The following GALE variants were observed in gnomAD, a reference collection of about 807,000 sequenced individuals.
The protein encoded by GALE is UDP-galactose-4-epimerase.
Under a neutral mutation model 44.1 loss-of-function variants are expected in GALE, and 32 were observed. That is an observed-to-expected ratio of 0.73 (90% CI 0.55 to 0.97). The LOEUF is 0.97. Ranked by LOEUF, GALE falls within the 50% of genes least tolerant of loss-of-function variation. The pLI is 0.00. For missense variants in GALE, 423 were observed against 455.6 expected, an observed-to-expected ratio of 0.93 and a Z score of 0.65; for synonymous variants, 182 against 183.5, an observed-to-expected ratio of 0.99 and a Z score of 0.06.
Position 23,796,063 on chromosome 1 carries a change from C to A in GALE, c.989-56G>T, listed in dbSNP as rs186060785. 2.1e-3 allele frequency: 3,394 copies of A among 1,607,074 alleles called. 7 individuals carry two copies. Among genetic ancestry groups the A allele is most frequent in the Non-Finnish European group, 2.6e-3 (3,025 of 1,174,460 alleles). ...CCACGGTGGAATGCAGAGCCTCCCCCACCCCACAGCCCGCCCTGGGTGGGC... is the reference window on the plus strand; with the variant it reads ...CCACGGTGGAATGCAGAGCCTCCCCAACCCCACAGCCCGCCCTGGGTGGGC... On this transcript the variant is annotated intron_variant, in intron 11 of 11. Coordinates refer to ENST00000617979, the MANE Select transcript of GALE (RefSeq NM_001008216.2). This position sits in a 1 kb window ranked among gnomAD's most constrained non-coding sequence, Gnocchi z 5.2.
intron 6 of GALE, 89 bp downstream of exon 6, chr1:23,797,606 G>T: frequency 7.9e-7 from 1 of 1,258,534 alleles, no homozygotes; most frequent in Non-Finnish European, 1.2e-6. Context: ...CCTTAGTGGG[G>T]GTGTTCGGAA....
rs755617298 is a variant in GALE, at chr1:23,798,610, C to T, written c.237+5G>A. 2.5e-6 allele frequency: 4 copies of T among 1,605,646 alleles called. No homozygotes were observed. The highest frequency in any genetic ancestry group is 3.4e-6 in the Non-Finnish European group (4 of 1,172,502). On this transcript the variant is annotated splice_donor_5th_base_variant and intron_variant, in intron 4 of 11. Coordinates refer to ENST00000617979, the MANE Select transcript of GALE (RefSeq NM_001008216.2). This position sits in a 1 kb window ranked among gnomAD's most constrained non-coding sequence, Gnocchi z 4.5. The stretch of plus-strand genomic sequence containing the variant: ...CGTGAGCCACCGTGCCCAGCCTGCA[C>T]CCACCTTTTTGAAGAGACGCTGTAG...
chr1:23,798,429 C>G lies in GALE; in HGVS notation c.237+186G>C. 1 of 695,912 alleles carries G rather than the reference C, an allele frequency of 1.4e-6. No homozygotes were observed. 43.1% of individuals were successfully genotyped at this position (695,912 alleles called of 1,614,324 possible). On this transcript the variant is annotated intron_variant, in intron 4 of 11. Coordinates refer to ENST00000617979, the MANE Select transcript of GALE (RefSeq NM_001008216.2). This position sits in a 1 kb window ranked among gnomAD's most constrained non-coding sequence, Gnocchi z 4.5. ...AAGCCATCCTCCCATGCCAGCCTCC[C>G]GAGTAGCTGGGACCACAGGTATGGG... is the stretch of plus-strand genomic sequence containing the variant.
Position 23,798,751 on chromosome 1 carries a change from C to T in GALE, c.122-21G>A, listed in dbSNP as rs768154253. The stretch of plus-strand genomic sequence containing the variant: ...CCCTCCTGGTAGGGTACATGTAGGC[C>T]ACATCATCACGACATGGGGTGCTGT... On this transcript the variant is annotated intron_variant, in intron 3 of 11. Coordinates refer to ENST00000617979, the MANE Select transcript of GALE (RefSeq NM_001008216.2). This position sits in a 1 kb window ranked among gnomAD's most constrained non-coding sequence, Gnocchi z 4.5. The T allele has an allele frequency of 3.1e-6, 5 of 1,610,104 alleles. No homozygotes were observed. The highest frequency in any genetic ancestry group is 4.3e-6 in the Non-Finnish European group (5 of 1,176,240).
chr1:23,798,279 G>T lies in GALE; in HGVS notation c.238-49C>A. On this transcript the variant is annotated intron_variant, in intron 4 of 11. Coordinates refer to ENST00000617979, the MANE Select transcript of GALE (RefSeq NM_001008216.2). This position sits in a 1 kb window ranked among gnomAD's most constrained non-coding sequence, Gnocchi z 4.5. ...GTTGCTCTACTGGTTTTAGTCCTTG[G>T]CAATGCCCTCAGCCTGCCTGCCTGC... 1 of 1,365,332 alleles carries T rather than the reference G, an allele frequency of 7.3e-7. No homozygotes were observed. Among genetic ancestry groups the T allele is most frequent in the Non-Finnish European group, 1.0e-6 (1 of 953,992 alleles). The allele number at this position is 1,365,332 out of a possible 1,614,324, so 84.6% of individuals were successfully genotyped here. A position where few individuals can be genotyped will look rare whatever the true frequency, so the allele number is the denominator to read the frequency against.
chr1:23,799,511 G>C (rs1371532655), intron 1 of GALE, 75 bp from the exon 2 acceptor site: 1 of 229,488 alleles, frequency 4.4e-6, no homozygotes, highest in Non-Finnish European at 8.8e-6. Flanking sequence ...TCAGACCCAG[G>C]CTTGTCCAAT....
At chr1:23,799,216 G>A (rs1160208356) in intron 2 of GALE, 150 bp downstream of exon 2, 1 of 633,796 alleles carries the variant, frequency 1.6e-6, no homozygotes, top group African/African-American at 1.8e-5. Context: ...TAGCCTCTTG[G>A]CCTCAGTTTC....
At position 23,798,945 on chromosome 1, in the gene GALE, CT is replaced by C; in HGVS notation, c.62del (p.Glu21GlyfsTer35). 6.2e-7 allele frequency: 1 copy of C among 1,614,194 alleles called. No homozygotes were observed. Among genetic ancestry groups the C allele is most frequent in the African/African-American group, 1.3e-5 (1 of 75,062 alleles). On this transcript the variant is annotated frameshift_variant, in exon 3 of 12. Transcript: ENST00000617979. LOFTEE classifies it high-confidence loss of function. The surrounding 1 kb of genome is among the most constrained non-coding windows in gnomAD (Gnocchi z 4.5). ...AGYIGSHTVL[E>X]LLEAGYLPVV... ...CAGGCAAGTAGCCAGCCTCCAGCAGCTCCAGCACCGTGTGGCTGCCAATGTA... is the reference window on the plus strand; with the variant it reads ...CAGGCAAGTAGCCAGCCTCCAGCAGCCCAGCACCGTGTGGCTGCCAATGTA...
Position 23,798,129 on chromosome 1 carries a change from G to C in GALE, c.339C>G (p.Ile113Met), listed in dbSNP as rs2148411491. The change falls in exon 5 of 12, where the codon ATC (isoleucine) becomes ATG (methionine). Residue 113 changes from isoleucine to methionine, a missense_variant. Transcript: ENST00000617979. The surrounding 1 kb of genome is among the most constrained non-coding windows in gnomAD (Gnocchi z 4.5). ...CCATGCCTCTCACCTCCAGAAGCTG[G>C]ATGGTCCCGGTCAGGTTAACTCTGT... ...DYYRVNLTGT[I>M]QLLEIMKAHG... 1.2e-6 allele frequency: 2 copies of C among 1,613,504 alleles called. No homozygotes were observed. Among genetic ancestry groups the C allele is most frequent in the Non-Finnish European group, 1.7e-6 (2 of 1,179,430 alleles).
In GALE at chr1:23,795,787, G is replaced by A; in HGVS notation, c.*162C>T. ...TAGAGACCTCGGCCTCCTGGTCAGTGGAGCCCTTGGCCTCATGCCTGGTGG... is the reference window on the plus strand; with the variant it reads ...TAGAGACCTCGGCCTCCTGGTCAGTAGAGCCCTTGGCCTCATGCCTGGTGG... On this transcript the variant is annotated 3_prime_UTR_variant, in exon 12 of 12. Coordinates refer to ENST00000617979, the MANE Select transcript of GALE (RefSeq NM_001008216.2). 1.4e-6 allele frequency: 1 copy of A among 693,226 alleles called. No homozygotes were observed. The highest frequency in any genetic ancestry group is 2.7e-5 in the East Asian group (1 of 37,092). 42.9% of individuals were successfully genotyped at this position (693,226 alleles called of 1,614,324 possible). A position where few individuals can be genotyped will look rare whatever the true frequency, so the allele number is the denominator to read the frequency against.
rs1638944221 is a variant in GALE, at chr1:23,796,239, C to T, written c.900G>A (p.Arg300=). ...CGTAACAGGCTGCCACATCACCTTC[C>T]CGCCGTGCCACCACCTTGTACGGGA... ...KKIPYKVVAR[R]EGDVAACYAN... is the part of the protein sequence containing the mutation. Residue 300 remains arginine (R), a synonymous_variant, in exon 11 of 12, where the codon CGG becomes CGA. Coordinates refer to ENST00000617979, the MANE Select transcript of GALE (RefSeq NM_001008216.2). This position sits in a 1 kb window ranked among gnomAD's most constrained non-coding sequence, Gnocchi z 5.2. 1.9e-6 allele frequency: 3 copies of T among 1,614,140 alleles called. No individual in the cohort carries two copies. The highest frequency in any genetic ancestry group is 2.5e-6 in the Non-Finnish European group (3 of 1,180,018).
rs749469333 is a variant in GALE at position 23,797,043 on chromosome 1, A to G, written c.633T>C (p.Tyr211=). 6.2e-7 allele frequency: 1 copy of G among 1,613,016 alleles called. No individual in the cohort carries two copies. The highest frequency in any genetic ancestry group is 8.5e-7 in the Non-Finnish European group (1 of 1,179,328). ...TTCCCTTTTGCCTTACCTGGGAGAC[A>G]TAAGGCATGAGGTTGTTGGGTATGC... The part of the protein sequence containing the change: ...PQGIPNNLMP[Y]VSQVAIGRRE... The change falls in exon 7 of 12, where the codon TAT becomes TAC. Residue 211 remains tyrosine, a synonymous_variant. Coordinates refer to ENST00000617979, the MANE Select transcript of GALE (RefSeq NM_001008216.2).
Position 23,796,917 on chromosome 1 carries a change from A to G in GALE, c.668T>C (p.Leu223Pro), listed in dbSNP as rs1457875051. 3 of 1,613,518 alleles carry G rather than the reference A, an allele frequency of 1.9e-6. No individual in the cohort carries two copies. The highest frequency in any genetic ancestry group is 1.7e-5 in the Admixed American group (1 of 59,930). The change falls in exon 8 of 12, where the codon CTG becomes CCG. Residue 223 changes from leucine (L) to proline (P), a missense_variant. Leu to Pro is a moderately conservative substitution (Grantham distance 98). Coordinates refer to ENST00000617979, the MANE Select transcript of GALE (RefSeq NM_001008216.2). The surrounding 1 kb of genome is among the most constrained non-coding windows in gnomAD (Gnocchi z 5.2). ...GTCATAGTCATTGCCAAAGACATTC[A>G]GGGCCTCCCGTCGCCCGATCGCCAC... ...SQVAIGRREA[L>P]NVFGNDYDTE...
At position 23,797,137 on chromosome 1, in the gene GALE, G is replaced by A. The variant is rs3204468; in HGVS notation, c.539C>T (p.Ala180Val). Reference sequence around the variant, plus strand: ...GGGGTTGAAATAGCGCAGCAGCACTGCGTTCCAAGTCTGTGGGATGTGGGT... The same window carrying A: ...GGGGTTGAAATAGCGCAGCAGCACTACGTTCCAAGTCTGTGGGATGTGGGT... ...DLCQADKTWN[A>V]VLLRYFNPTG... The change falls in exon 7 of 12, where the codon GCA (alanine) becomes GTA (valine). Residue 180 changes from alanine to valine, a missense_variant. Physicochemically the swap from Ala to Val is moderately conservative, Grantham distance 64 (BLOSUM62 0). Coordinates refer to ENST00000617979, the MANE Select transcript of GALE (RefSeq NM_001008216.2). The A allele has an allele frequency of 6.2e-7, 1 of 1,607,950 alleles. No homozygotes were observed. The highest frequency in any genetic ancestry group is 1.7e-5 in the Admixed American group (1 of 58,802).
chr1:23,799,053 C>T (rs1480017732), intron 2 of GALE, 41 bp from the exon 3 acceptor site: 3 of 1,613,660 alleles, frequency 1.9e-6, no homozygotes, highest in Non-Finnish European at 2.5e-6. Flanking sequence ...CTGAGGCTGC[C>T]TGCTCAGAGC....
rs1467611072 is a variant in GALE, at chr1:23,796,450, CTG to C, written c.873+57_873+58del. On this transcript the variant is annotated intron_variant, in intron 10 of 11. Transcript: ENST00000617979. This position sits in a 1 kb window ranked among gnomAD's most constrained non-coding sequence, Gnocchi z 5.2. Reference sequence around the variant, plus strand: ...GTGAGTGGGAAGGGCCAAAGCTGCTCTGTTGCTGAGAGCTGGGTGGGGTGAGG... The same window carrying C: ...GTGAGTGGGAAGGGCCAAAGCTGCTCTTGCTGAGAGCTGGGTGGGGTGAGG... 6.5e-5 allele frequency: 84 copies of C among 1,291,410 alleles called. No homozygotes were observed. The highest frequency in any genetic ancestry group is 8.1e-5 in the Non-Finnish European group (79 of 973,696). The allele number at this position is 1,291,410 out of a possible 1,614,324, so 80.0% of individuals were successfully genotyped here.
In GALE at chr1:23,796,666, C is replaced by T. The variant is rs370617277; in HGVS notation, c.795+31G>A. ...GCCGCTCTGCCTGGATCTGGTCCCT[C>T]CCCTCCCTCACTTCTCCCTTCTCTT... On this transcript the variant is annotated intron_variant, in intron 9 of 11. Transcript: ENST00000617979. This position sits in a 1 kb window ranked among gnomAD's most constrained non-coding sequence, Gnocchi z 5.2. The T allele has an allele frequency of 5.8e-4, 931 of 1,613,692 alleles. No individual in the cohort carries two copies. The highest frequency in any genetic ancestry group is 7.7e-4 in the Non-Finnish European group (911 of 1,179,850).
At chr1:23,797,386 T>C (rs1638992713) in intron 6 of GALE, among the ~76,000 whole-genome samples, 1 of 152,032 alleles carries the variant, frequency 6.6e-6, no homozygotes, top group Non-Finnish European at 1.5e-5. Flanking sequence ...GGCCGGCTAA[T>C]GTTTGTATTT....
At position 23,799,023 on chromosome 1, in the gene GALE, A is replaced by G; in HGVS notation, c.-5-11T>C. 1 of 1,614,142 alleles carries G rather than the reference A, an allele frequency of 6.2e-7. No homozygotes were observed. Among genetic ancestry groups the G allele is most frequent in the South Asian group, 1.1e-5 (1 of 91,080 alleles). ...TCTCTGCCATGGCACCTGGCCCAGG[A>G]TACAGAGTCTCAGAGGTGGCTGAGG... On this transcript the variant is annotated splice_polypyrimidine_tract_variant and intron_variant, in intron 2 of 11. Coordinates refer to ENST00000617979, the MANE Select transcript of GALE (RefSeq NM_001008216.2).
Sources: allele counts gnomAD v4.1 joint callset (sites outside exome capture counted in the v4.1 genomes callset), GRCh38; gene constraint gnomAD v4.1.1; non-coding constraint Gnocchi (gnomAD v3.1); transcripts MANE v1.5; gene names NCBI Gene and HGNC (gene_info 2026-07-23, HGNC 2026-07-21).